MGST1: variants seen among roughly 807,000 people sequenced by gnomAD.
MGST1 encodes glutathione S-transferase 12.
A neutral mutation model predicts 8.9 loss-of-function variants in MGST1; 5 were observed. The observed-to-expected ratio is 0.56, with a 90% CI of 0.29 to 1.19. The LOEUF (loss-of-function observed/expected upper bound fraction) is 1.19. MGST1 is among the 50% of genes most tolerant of loss of function. MGST1 has a pLI of 0.08. For missense variants in MGST1, 182 were observed against 187.4 expected, an observed-to-expected ratio of 0.97 and a Z score of 0.17; for synonymous variants, 54 against 67.8, an observed-to-expected ratio of 0.80 and a Z score of 1.00.
intron 4 of MGST1, among the ~76,000 whole-genome samples, chr12:16,451,269 G>A (rs1251024203): frequency 1.3e-5 from 2 of 151,798 alleles, no homozygotes; most frequent in Non-Finnish European, 2.9e-5. Context: ...CTCCGAATAG[G>A]TATTGTTTCA....
At chr12:16,400,852 A>G in intron 1 of MGST1, 1 of 1,189,932 alleles carries the variant, frequency 8.4e-7, no homozygotes, top group Non-Finnish European at 1.3e-6. Flanking sequence ...TCATTTCCCC[A>G]ATATGTGGTT....
Position 16,529,702 on chromosome 12 carries a change from G to T in MGST1, n.483-59826G>T, listed in dbSNP as rs573658808. ...GATGAAAAAGTGAGAGTTGGGCCCA[G>T]TTATTCTTCTCTAGGCAAAGTGTTT... is the stretch of plus-strand genomic sequence containing the variant. On this transcript the variant is annotated intron_variant and non_coding_transcript_variant, in intron 4 of 4. Coordinates refer to the MGST1 transcript ENST00000538857. Among the ~76,000 whole-genome samples the T allele has an allele frequency of 2.0e-5, 3 of 152,154 alleles. No homozygotes were observed. In the East Asian group the frequency reaches 5.8e-4, roughly 29 times the overall value.
At chr12:16,400,352 G>C in intron 1 of MGST1, 2 of 813,978 alleles carry the variant, frequency 2.5e-6, no homozygotes, top group Non-Finnish European at 4.4e-6. Flanking sequence ...TTGTCTCCTC[G>C]AACAGATATG....
In MGST1 at chr12:16,584,812, G is replaced by A. The variant is rs1261580478; in HGVS notation, n.483-4716G>A. Reference sequence around the variant, plus strand: ...TGAAAGCTCCCAGGAGATTTCTGAAGCAGGAGTGTAACTGGTATACATTGG... The same window carrying A: ...TGAAAGCTCCCAGGAGATTTCTGAAACAGGAGTGTAACTGGTATACATTGG... On this transcript the variant is annotated intron_variant and non_coding_transcript_variant, in intron 4 of 4. Transcript: ENST00000538857. This position sits in a 1 kb window ranked among gnomAD's most constrained non-coding sequence, Gnocchi z 5.2. Among the ~76,000 whole-genome samples the A allele has an allele frequency of 6.6e-6, 1 of 152,160 alleles. No homozygotes were observed. The highest frequency in any genetic ancestry group is 1.9e-4 in the East Asian group (1 of 5,184).
rs1359917105 is a variant in MGST1, at chr12:16,410,860, T to TC, written n.779-26525dup. Among the ~76,000 whole-genome samples, 1 of 152,038 alleles carries TC rather than the reference T, an allele frequency of 6.6e-6. No individual in the cohort carries two copies. Among genetic ancestry groups the TC allele is most frequent in the Non-Finnish European group, 1.5e-5 (1 of 67,996 alleles). On this transcript the variant is annotated intron_variant and non_coding_transcript_variant, in intron 1 of 1. Coordinates refer to the MGST1 transcript ENST00000359720. This position sits in a 1 kb window ranked among gnomAD's most constrained non-coding sequence, Gnocchi z 4.4. ...AACTATTTGGTTTGACTCCATTTTTTCCCAAGATGTTCCAGAATCACTATT... is the reference window on the plus strand; with the variant it reads ...AACTATTTGGTTTGACTCCATTTTTTCCCCAAGATGTTCCAGAATCACTATT...
intron 4 of MGST1, among the ~76,000 whole-genome samples, chr12:16,496,953 A>G (rs1941474796): frequency 6.6e-6 from 1 of 152,176 alleles, no homozygotes; most frequent in Admixed American, 6.6e-5. Context: ...AAAAGCACTG[A>G]CAAACCACAA....
At chr12:16,485,153 T>C (rs1941391656) in intron 4 of MGST1, among the ~76,000 whole-genome samples, 1 of 152,232 alleles carries the variant, frequency 6.6e-6, no homozygotes, top group Non-Finnish European at 1.5e-5. Flanking sequence ...TTGGATTCTG[T>C]GAACGCACAT....
At chr12:16,591,234 CAT>C (rs1943487153), downstream of MGST1, among the ~76,000 whole-genome samples, 1 of 151,962 alleles carries the variant, frequency 6.6e-6, no homozygotes, top group African/African-American at 2.4e-5. This position sits in a 1 kb window ranked among gnomAD's most constrained non-coding sequence, Gnocchi z 4.1. Flanking sequence ...GTCCTTCAAA[CAT>C]ATGAGAAAAA....
chr12:16,356,438 T>A (rs1939716498), intron 2 of MGST1, among the ~76,000 whole-genome samples: 1 of 152,204 alleles, frequency 6.6e-6, no homozygotes, highest in African/African-American at 2.4e-5. Context: ...TTATTCCAGA[T>A]AAAGATGTTG....
chr12:16,475,629 A>G (rs1024973288), intron 4 of MGST1, among the ~76,000 whole-genome samples: 2 of 152,188 alleles, frequency 1.3e-5, no homozygotes, highest in Non-Finnish European at 2.9e-5. Flanking sequence ...TGGAGTAGAT[A>G]GCAATTCAGC....
At chr12:16,432,635 C>G (rs907996052) in intron 1 of MGST1, among the ~76,000 whole-genome samples, 14 of 151,072 alleles carry the variant, frequency 9.3e-5, no homozygotes, top group African/African-American at 3.2e-4. Flanking sequence ...TATTGTCACA[C>G]CTAAAACTCT....
At chr12:16,356,963 CTG>C (rs1331363562) in intron 2 of MGST1, among the ~76,000 whole-genome samples, 1 of 152,190 alleles carries the variant, frequency 6.6e-6, no homozygotes, top group African/African-American at 2.4e-5. Flanking sequence ...GTCAACATCA[CTG>C]TGAAAAAGAT....
At chr12:16,397,301 C>A (rs1015927902) in intron 1 of MGST1, among the ~76,000 whole-genome samples, 4 of 152,158 alleles carry the variant, frequency 2.6e-5, no homozygotes, top group Admixed American at 2.0e-4. Flanking sequence ...GGACCTAAAT[C>A]TAAGACCTGA....
At chr12:16,394,927 T>A (rs1320900184) in intron 1 of MGST1, among the ~76,000 whole-genome samples, 2 of 152,020 alleles carry the variant, frequency 1.3e-5, no homozygotes, top group Non-Finnish European at 2.9e-5. Flanking sequence ...GATTCATAGT[T>A]TTTTTTATAT....
At chr12:16,353,798 C>T (rs1042888645) in intron 1 of MGST1, among the ~76,000 whole-genome samples, 1 of 127,388 alleles carries the variant, frequency 7.9e-6, no homozygotes, top group East Asian at 2.2e-4. Flanking sequence ...CTCTCTCTGT[C>T]GCCCAGGCTA....
At chr12:16,402,739 G>A (rs1940668054) in intron 1 of MGST1, among the ~76,000 whole-genome samples, 1 of 151,698 alleles carries the variant, frequency 6.6e-6, no homozygotes, top group Admixed American at 6.6e-5. Flanking sequence ...AGTCTAACCA[G>A]ATATTTGTAT....
In MGST1 at chr12:16,364,176, T is replaced by C. The variant is rs4149206; in HGVS notation, c.*135T>C. On this transcript the variant is annotated 3_prime_UTR_variant, in exon 4 of 4. Coordinates refer to ENST00000396210, the MANE Select transcript of MGST1 (RefSeq NM_020300.5). This position sits in a 1 kb window ranked among gnomAD's most constrained non-coding sequence, Gnocchi z 5.7. ...AACTGGGGTAAACCCATTTTGAATATTAGCATTGCCAATATCCTGTATTCT... is the reference window on the plus strand; with the variant it reads ...AACTGGGGTAAACCCATTTTGAATACTAGCATTGCCAATATCCTGTATTCT... 1,392 of 1,373,016 alleles carry C rather than the reference T, an allele frequency of 1.0e-3. 14 individuals carry two copies. In the East Asian group the frequency reaches 0.033, roughly 32 times the overall value. The allele number at this position is 1,373,016 out of a possible 1,614,324, so 85.1% of individuals were successfully genotyped here.
At chr12:16,459,458 G>A (rs1941203204) in intron 4 of MGST1, among the ~76,000 whole-genome samples, 2 of 151,998 alleles carry the variant, frequency 1.3e-5, no homozygotes. Context: ...TCTCCCTTTG[G>A]TTAGCCTGAG....
chr12:16,497,849 C>T lies in MGST1; in HGVS notation n.483-91679C>T, dbSNP rs1941480076. Among the ~76,000 whole-genome samples the T allele has an allele frequency of 6.6e-6, 1 of 152,166 alleles. No individual in the cohort carries two copies. Among genetic ancestry groups the T allele is most frequent in the South Asian group, 2.1e-4 (1 of 4,834 alleles). ...TTAAAATAGCACATTCTTTGGACAT[C>T]TGTCCCCCAGAAATTCCGGAGTAGG... On this transcript the variant is annotated intron_variant and non_coding_transcript_variant, in intron 4 of 4. Coordinates refer to the MGST1 transcript ENST00000538857. The surrounding 1 kb of genome is among the most constrained non-coding windows in gnomAD (Gnocchi z 4.4).
Sources: gnomAD v4.1 joint callset for allele counts (sites outside exome capture counted in the v4.1 genomes callset) on GRCh38, gnomAD v4.1.1 for gene constraint, Gnocchi (gnomAD v3.1) non-coding constraint, MANE v1.5 for transcripts, NCBI Gene and HGNC (gene_info 2026-07-23, HGNC 2026-07-21) for gene names.